FAM110B: variants seen among roughly 807,000 people sequenced by gnomAD.
FAM110B encodes family with sequence similarity 110 member B, also known as protein FAM110B.
In FAM110B, 6 loss-of-function variants were observed where a neutral mutation model predicts 20.4. The observed-to-expected ratio is 0.29, with a 90% confidence interval of 0.16 to 0.58. FAM110B has a LOEUF of 0.58. FAM110B is among the 20% of genes least tolerant of loss of function. The pLI is 0.90. For synonymous variants in FAM110B, 226 were observed against 214.1 expected (o/e 1.06, Z -0.49); for missense variants, 434 against 498.2 (o/e 0.87, Z 1.23).
chr8:58,123,981 T>C (rs1409394663), intron 3 of FAM110B, among the ~76,000 whole-genome samples: 1 of 152,246 alleles, frequency 6.6e-6, no homozygotes, highest in Non-Finnish European at 1.5e-5. Flanking sequence ...AAGATATCCA[T>C]GTAGGACAAA....
intron 3 of FAM110B, among the ~76,000 whole-genome samples, chr8:58,144,567 G>A (rs556200386): frequency 6.6e-6 from 1 of 152,260 alleles, no homozygotes; most frequent in African/African-American, 2.4e-5. Context: ...ACAAAACATG[G>A]TGATGGGTTG....
chr8:58,037,042 G>C (rs1427253614), intron 2 of FAM110B, among the ~76,000 whole-genome samples: 2 of 152,050 alleles, frequency 1.3e-5, no homozygotes, highest in African/African-American at 4.8e-5. Flanking sequence ...AACATCGGAT[G>C]GTGTGTTTTG....
chr8:58,019,741 T>C (rs888481339), intron 1 of FAM110B, among the ~76,000 whole-genome samples: 7 of 152,152 alleles, frequency 4.6e-5, no homozygotes, highest in Admixed American at 3.9e-4. Context: ...TTGTATATAG[T>C]GTCTTTTTTG....
Position 58,002,129 on chromosome 8 carries a change from A to G in FAM110B, c.-512+7323A>G, listed in dbSNP as rs558826326. 1.9e-4 allele frequency among the ~76,000 whole-genome samples: 29 copies of G among 152,180 alleles called. No individual in the cohort carries two copies. The South Asian group carries it at 5.8e-3, about 31-fold the overall frequency. On this transcript the variant is annotated intron_variant, in intron 1 of 3. Transcript: ENST00000519262. The stretch of plus-strand genomic sequence containing the variant: ...TACTGGTTGGATAATGCCCACCCAC[A>G]TTGGGGAGGGCCTTTTCCTTTACTC...
At chr8:58,034,890 G>A (rs1370024000) in intron 2 of FAM110B, among the ~76,000 whole-genome samples, 1 of 152,176 alleles carries the variant, frequency 6.6e-6, no homozygotes, top group Non-Finnish European at 1.5e-5. Context: ...TGTTCAGAAT[G>A]GGACAGACAT....
chr8:58,104,999 C>CTTT (rs367979721), intron 3 of FAM110B, among the ~76,000 whole-genome samples: 1 of 136,248 alleles, frequency 7.3e-6, no homozygotes. Context: ...CCATTGCCTT[C>CTTT]TTTTTTTTTT....
At chr8:58,020,253 C>T (rs1022642727) in intron 1 of FAM110B, among the ~76,000 whole-genome samples, 61 of 152,254 alleles carry the variant, frequency 4.0e-4, no homozygotes, top group African/African-American at 1.4e-3. Context: ...AAGTCCTTCA[C>T]TAGTGAGCTC....
At chr8:58,092,476 C>T (rs1181893353) in intron 3 of FAM110B, among the ~76,000 whole-genome samples, 1 of 152,158 alleles carries the variant, frequency 6.6e-6, no homozygotes. Context: ...GCTCCCACTT[C>T]TAAGCGAGAA....
chr8:58,032,439 A>G (rs1271084503), intron 2 of FAM110B: 1 of 152,254 alleles, frequency 6.6e-6, no homozygotes, highest in African/African-American at 2.4e-5. Flanking sequence ...GCCACTCTCC[A>G]GAGAAAATAT....
At chr8:58,041,613 C>T (rs1805222886) in intron 2 of FAM110B, among the ~76,000 whole-genome samples, 1 of 152,148 alleles carries the variant, frequency 6.6e-6, no homozygotes, top group South Asian at 2.1e-4. Context: ...AGTCTTGTTG[C>T]CAGGTAGGGA....
intron 1 of FAM110B, among the ~76,000 whole-genome samples, chr8:58,016,413 T>C (rs1332605314): frequency 1.3e-5 from 2 of 152,210 alleles, no homozygotes; most frequent in Admixed American, 6.5e-5. Context: ...TGCAGTCATA[T>C]TGAGGCTGCA....
At chr8:57,997,259 C>T (rs1420563485) in intron 1 of FAM110B, among the ~76,000 whole-genome samples, 1 of 152,172 alleles carries the variant, frequency 6.6e-6, no homozygotes, top group Admixed American at 6.5e-5. Context: ...CCAAAACATA[C>T]TCTTACCAAC....
chr8:58,044,089 T>C (rs1024055576), intron 2 of FAM110B, among the ~76,000 whole-genome samples: 1 of 152,248 alleles, frequency 6.6e-6, no homozygotes, highest in African/African-American at 2.4e-5. Flanking sequence ...GGCTTAGATA[T>C]GTTTTGGGGG....
At chr8:58,076,828 G>A (rs1806048674) in intron 3 of FAM110B, among the ~76,000 whole-genome samples, 1 of 152,156 alleles carries the variant, frequency 6.6e-6, no homozygotes, top group South Asian at 2.1e-4. Flanking sequence ...GGATTTGATT[G>A]ACAGCCTTCC....
chr8:58,142,032 C>G (rs1049081137), intron 3 of FAM110B, among the ~76,000 whole-genome samples: 1 of 152,206 alleles, frequency 6.6e-6, no homozygotes. Flanking sequence ...TCCTGTTCAC[C>G]TGACTGCACC....
intron 3 of FAM110B, among the ~76,000 whole-genome samples, chr8:58,110,776 G>T (rs1469219922): frequency 6.6e-6 from 1 of 151,934 alleles, no homozygotes; most frequent in Non-Finnish European, 1.5e-5. Context: ...ACAATTACAG[G>T]CATTTAATTT....
chr8:58,004,666 G>T (rs1438916109), intron 1 of FAM110B, among the ~76,000 whole-genome samples: 2 of 152,178 alleles, frequency 1.3e-5, no homozygotes, highest in South Asian at 4.1e-4. Flanking sequence ...AATTGCTTGA[G>T]CCCGGGAAGC....
chr8:58,048,002 C>T (rs927177117), intron 2 of FAM110B, among the ~76,000 whole-genome samples: 1 of 152,112 alleles, frequency 6.6e-6, no homozygotes, highest in African/African-American at 2.4e-5. Context: ...TGATTTACAT[C>T]TGAAGGTTAT....
intron 1 of FAM110B, among the ~76,000 whole-genome samples, chr8:58,027,537 C>T (rs1040401438): frequency 1.3e-5 from 2 of 152,086 alleles, no homozygotes; most frequent in African/African-American, 4.8e-5. Context: ...GCACCCACTA[C>T]CACAATCTTG....
Sources: gnomAD v4.1 joint callset for allele counts (sites outside exome capture counted in the v4.1 genomes callset) on GRCh38, gnomAD v4.1.1 for gene constraint, MANE v1.5 for transcripts, NCBI Gene and HGNC (gene_info 2026-07-23, HGNC 2026-07-21) for gene names.